MAP7: variants seen among roughly 807,000 people sequenced by gnomAD.
MAP7 encodes the protein ensconsin.
MAP7 carries 52 observed loss-of-function variants against 94.8 expected under a neutral mutation model. The observed-to-expected ratio is 0.55, with a 90% CI of 0.44 to 0.69. MAP7 has a LOEUF of 0.69. Among genes scored for constraint, MAP7 ranks in the 30% least tolerant of loss-of-function variants. MAP7 has a pLI of 0.00. For missense variants in MAP7, 940 were observed against 964.6 expected (o/e 0.97, Z 0.34); for synonymous variants, 350 against 357.0 (o/e 0.98, Z 0.22).
Position 136,359,892 on chromosome 6 carries a change from A to G in MAP7, c.1855-15T>C. On this transcript the variant is annotated splice_polypyrimidine_tract_variant and intron_variant, in intron 14 of 17. Transcript: ENST00000354570. ...TCACTGGTTTTCTACGAAGAAGAAA[A>G]AAAGAGGACTTTTAAAAATTAGAGT... The G allele has an allele frequency of 6.2e-7, 1 of 1,612,624 alleles. No individual in the cohort carries two copies. Among genetic ancestry groups the G allele is most frequent in the Non-Finnish European group, 8.5e-7 (1 of 1,179,658 alleles).
At chr6:136,388,882 G>A (rs757560603) in intron 4 of MAP7, among the ~76,000 whole-genome samples, 1 of 152,138 alleles carries the variant, frequency 6.6e-6, no homozygotes, top group Non-Finnish European at 1.5e-5. Flanking sequence ...CAGAATCTGA[G>A]AACATGGGTA....
intron 16 of MAP7, among the ~76,000 whole-genome samples, chr6:136,348,770 G>A (rs1030286919): frequency 6.6e-6 from 1 of 152,042 alleles, no homozygotes; most frequent in South Asian, 2.1e-4. Context: ...TTTTCCTTCA[G>A]GCCAAACTAA....
chr6:136,377,782 T>C lies in MAP7; in HGVS notation c.724A>G (p.Ser242Gly), dbSNP rs1234889254. ...GCTTCTCCAGACAAGGCAGCTGTGCTTTTACTTCTGGCCAGGAACGAATGT... is the reference window on the plus strand; with the variant it reads ...GCTTCTCCAGACAAGGCAGCTGTGCCTTTACTTCTGGCCAGGAACGAATGT... The part of the protein sequence containing the change: ...PTHSFLARSK[S>G]TAALSGEAAS... Residue 242 changes from serine to glycine, a missense_variant, in exon 7 of 18, where the codon AGC becomes GGC. Transcript: ENST00000354570. The C allele has an allele frequency of 6.2e-7, 1 of 1,614,064 alleles. No homozygotes were observed. The highest frequency in any genetic ancestry group is 8.5e-7 in the Non-Finnish European group (1 of 1,179,912).
chr6:136,522,148 T>C (rs571213398), intron 1 of MAP7, among the ~76,000 whole-genome samples: 2 of 152,308 alleles, frequency 1.3e-5, no homozygotes, highest in African/African-American at 4.8e-5. Flanking sequence ...CAAGGGCATT[T>C]AGTTACTGCA....
chr6:136,452,735 T>A (rs1801568608), intron 1 of MAP7, among the ~76,000 whole-genome samples: 1 of 152,132 alleles, frequency 6.6e-6, no homozygotes, highest in African/African-American at 2.4e-5. Context: ...GTATTTTTAG[T>A]AGAGATAGGG....
intron 1 of MAP7, among the ~76,000 whole-genome samples, chr6:136,458,373 T>C (rs1804047509): frequency 6.6e-6 from 1 of 152,192 alleles, no homozygotes; most frequent in Non-Finnish European, 1.5e-5. Context: ...ACAGATTCAA[T>C]TCAATCCATA....
At position 136,405,507 on chromosome 6, in the gene MAP7, G is replaced by A. The variant is rs564212067; in HGVS notation, c.244+6113C>T. Among the ~76,000 whole-genome samples, 7 of 152,328 alleles carry A rather than the reference G, an allele frequency of 4.6e-5. No individual in the cohort carries two copies. In the East Asian group the frequency reaches 1.4e-3, roughly 29 times the overall value. Reference sequence around the variant, plus strand: ...GCTGTAGTGTTTAAGAAACAGCAAGGAACCAGCATGGCTGGAGGAGAGGGC... The same window carrying A: ...GCTGTAGTGTTTAAGAAACAGCAAGAAACCAGCATGGCTGGAGGAGAGGGC... On this transcript the variant is annotated intron_variant, in intron 3 of 17. Coordinates refer to ENST00000354570, the MANE Select transcript of MAP7 (RefSeq NM_003980.6).
chr6:136,539,391 C>A (rs1829136722), intron 1 of MAP7, among the ~76,000 whole-genome samples: 1 of 152,150 alleles, frequency 6.6e-6, no homozygotes, highest in African/African-American at 2.4e-5. Context: ...TAGAATTACC[C>A]CTAAACAATT....
chr6:136,544,807 T>C (rs1829592736), intron 1 of MAP7, among the ~76,000 whole-genome samples: 1 of 151,898 alleles, frequency 6.6e-6, no homozygotes, highest in Non-Finnish European at 1.5e-5. Context: ...CACCAAAACC[T>C]GATTCTGCTG....
intron 1 of MAP7, among the ~76,000 whole-genome samples, chr6:136,449,780 G>A (rs974233689): frequency 7.2e-5 from 11 of 152,266 alleles, no homozygotes; most frequent in Admixed American, 3.3e-4. Flanking sequence ...ATTAGCCAAC[G>A]ATTGCACTGA....
In MAP7 at chr6:136,514,900, T is replaced by C. The variant is rs1562479452; in HGVS notation, c.67+35442A>G. Among the ~76,000 whole-genome samples, 3 of 152,226 alleles carry C rather than the reference T, an allele frequency of 2.0e-5. 1 individual carries two copies. The highest frequency in any genetic ancestry group is 7.2e-5 in the African/African-American group (3 of 41,470). ...AAGTCAATGATTGCAATGACTCAGC[T>C]GCATTATCCCCTAACAAGAGATTCA... On this transcript the variant is annotated intron_variant, in intron 1 of 17. Transcript: ENST00000354570.
chr6:136,481,829 T>C (rs1258102583), intron 1 of MAP7, among the ~76,000 whole-genome samples: 1 of 152,232 alleles, frequency 6.6e-6, no homozygotes, highest in Non-Finnish European at 1.5e-5. Context: ...TTTACTCTGA[T>C]GTGATTATGT....
chr6:136,525,165 A>T (rs897379791), intron 1 of MAP7, among the ~76,000 whole-genome samples: 1 of 152,198 alleles, frequency 6.6e-6, no homozygotes, highest in African/African-American at 2.4e-5. Flanking sequence ...ATACTGTGAA[A>T]GAACAACACA....
At chr6:136,400,399 G>C (rs1783733793) in intron 3 of MAP7, among the ~76,000 whole-genome samples, 1 of 150,506 alleles carries the variant, frequency 6.6e-6, no homozygotes. Context: ...CTGGGCAACA[G>C]GGCGAGACTC....
At chr6:136,366,581 A>G (rs1794389448) in intron 8 of MAP7, 142 bp from the exon 9 acceptor site, 2 of 627,512 alleles carry the variant, frequency 3.2e-6, no homozygotes, top group Non-Finnish European at 5.7e-6. Context: ...TTCCATCTCA[A>G]CAAAAGGCCC....
At chr6:136,475,488 A>G (rs1810568186) in intron 1 of MAP7, among the ~76,000 whole-genome samples, 1 of 152,224 alleles carries the variant, frequency 6.6e-6, no homozygotes, top group African/African-American at 2.4e-5. Flanking sequence ...ATAGTTATAT[A>G]AACTCTCAGA....
At chr6:136,363,956 A>G (rs1205749189) in intron 10 of MAP7, among the ~76,000 whole-genome samples, 1 of 152,238 alleles carries the variant, frequency 6.6e-6, no homozygotes, top group East Asian at 1.9e-4. Context: ...AAGGGTCTGT[A>G]TGTCAAAACA....
Position 136,344,172 on chromosome 6 carries a change from C to G in MAP7, c.*56G>C. ...GCTCCTTTATAGCAGGAAAGGAATT[C>G]CATTAATTGTAGAAATTCTCATTAA... On this transcript the variant is annotated 3_prime_UTR_variant, in exon 18 of 18. Transcript: ENST00000354570. 1 of 951,586 alleles carries G rather than the reference C, an allele frequency of 1.1e-6. No homozygotes were observed. Among genetic ancestry groups the G allele is most frequent in the Non-Finnish European group, 1.5e-6 (1 of 680,452 alleles). The allele number at this position is 951,586 out of a possible 1,614,324, so 58.9% of individuals were successfully genotyped here. A position where few individuals can be genotyped will look rare whatever the true frequency, so the allele number is the denominator to read the frequency against.
chr6:136,501,934 G>A (rs1039895346), intron 1 of MAP7, among the ~76,000 whole-genome samples: 18 of 152,178 alleles, frequency 1.2e-4, no homozygotes, highest in Non-Finnish European at 2.2e-4. Context: ...TGAATTCAGA[G>A]GGCCACAGGC....
Sources: allele counts gnomAD v4.1 joint callset (sites outside exome capture counted in the v4.1 genomes callset), GRCh38; gene constraint gnomAD v4.1.1; transcripts MANE v1.5; gene names NCBI Gene and HGNC (gene_info 2026-07-23, HGNC 2026-07-21).